The following NCKAP5 variants were observed in gnomAD, a reference collection of about 807,000 sequenced individuals.
The protein encoded by NCKAP5 is nck-associated protein 5.
A neutral mutation model predicts 167.0 loss-of-function variants in NCKAP5; 92 were observed. That is an observed-to-expected ratio of 0.55 (90% confidence interval 0.47 to 0.66). The LOEUF (loss-of-function observed/expected upper bound fraction) is 0.66. Among genes scored for constraint, NCKAP5 ranks in the 30% least tolerant of loss-of-function variants. The pLI, the probability that NCKAP5 is intolerant of heterozygous loss-of-function variation, is 0.00. For missense variants in NCKAP5, 2,378 were observed against 2,315.0 expected (o/e 1.03, Z -0.56); for synonymous variants, 891 against 877.4 (o/e 1.02, Z -0.27).
At position 132,921,751 on chromosome 2, in the gene NCKAP5, C is replaced by G. The variant is rs915841329; in HGVS notation, c.579+41969G>C. Among the ~76,000 whole-genome samples, 3 of 152,102 alleles carry G rather than the reference C, an allele frequency of 2.0e-5. No homozygotes were observed. The South Asian group carries it at 6.2e-4, about 32-fold the overall frequency. On this transcript the variant is annotated intron_variant, in intron 8 of 19. Transcript: ENST00000409261. ...ATCTTGACTTACGAGGAACCTCTTC[C>G]CCTACCCTACAAGTCACTGTTCCTG...
intron 8 of NCKAP5, chr2:132,915,713 G>A (rs1387665167): frequency 2.0e-5 from 3 of 151,990 alleles, no homozygotes; most frequent in Admixed American, 1.3e-4. Context: ...CTGTACATAC[G>A]AATGTCCTGG....
chr2:133,340,562 G>C (rs1286060557), intron 3 of NCKAP5, among the ~76,000 whole-genome samples: 2 of 152,062 alleles, frequency 1.3e-5, no homozygotes, highest in Non-Finnish European at 2.9e-5. Context: ...GATACCCCCT[G>C]ACAATGCATA....
intron 6 of NCKAP5, among the ~76,000 whole-genome samples, chr2:133,055,582 T>G (rs919656967): frequency 6.6e-6 from 1 of 151,732 alleles, no homozygotes; most frequent in African/African-American, 2.4e-5. Context: ...TCAACAAAAA[T>G]TATTAATGTC....
intron 19 of NCKAP5, among the ~76,000 whole-genome samples, chr2:132,701,774 C>T (rs1687905697): frequency 6.6e-6 from 1 of 152,072 alleles, no homozygotes. Flanking sequence ...AAAAAAATAC[C>T]ACTTATGTCT....
At chr2:133,472,019 T>C (rs754217084) in intron 3 of NCKAP5, among the ~76,000 whole-genome samples, 10 of 152,220 alleles carry the variant, frequency 6.6e-5, no homozygotes, top group Admixed American at 3.3e-4. Flanking sequence ...GCAATTGTTA[T>C]AGACTAACAT....
chr2:133,085,096 T>C (rs748335746), intron 6 of NCKAP5, among the ~76,000 whole-genome samples: 2 of 152,126 alleles, frequency 1.3e-5, no homozygotes, highest in Non-Finnish European at 2.9e-5. Flanking sequence ...GGTGGGGAGA[T>C]GGGAAGGGTA....
chr2:133,585,756 CTG>C, the NCKAP5 span, among the ~76,000 whole-genome samples: 2 of 152,298 alleles, frequency 1.3e-5, no homozygotes, highest in Admixed American at 6.5e-5. Context: ...AATGAGGAAA[CTG>C]AGACTCAGAG....
At chr2:132,761,343 G>A (rs773076133) in intron 16 of NCKAP5, among the ~76,000 whole-genome samples, 6 of 152,196 alleles carry the variant, frequency 3.9e-5, no homozygotes, top group Admixed American at 6.5e-5. Flanking sequence ...CCCAGGATAT[G>A]AGACTTCCGG....
At chr2:132,977,643 G>C (rs947588592) in intron 7 of NCKAP5, among the ~76,000 whole-genome samples, 8 of 152,142 alleles carry the variant, frequency 5.3e-5, no homozygotes, top group African/African-American at 1.9e-4. Context: ...ACTTTTGAAA[G>C]TCAGACATAA....
chr2:133,059,934 G>GA (rs34377278), intron 6 of NCKAP5, among the ~76,000 whole-genome samples: 8,860 of 142,414 alleles, frequency 0.062, 531 homozygotes, highest in East Asian at 0.32. Context: ...AATTTCTCCA[G>GA]AAAAAAAAAA....
chr2:132,728,750 A>C (rs1011729879), intron 18 of NCKAP5, 66 bp downstream of exon 18: 1 of 1,564,244 alleles, frequency 6.4e-7, no homozygotes, highest in Non-Finnish European at 8.7e-7. Flanking sequence ...AAGTGTTTTT[A>C]GGGTACACTT....
chr2:133,382,750 T>C (rs76358487), intron 3 of NCKAP5, among the ~76,000 whole-genome samples: 3,115 of 152,308 alleles, frequency 0.02, 101 homozygotes, highest in African/African-American at 0.071. Context: ...CATCTGTTAA[T>C]AATTAGACAT....
chr2:132,698,476 G>T (rs1687551942), intron 19 of NCKAP5, among the ~76,000 whole-genome samples: 1 of 152,114 alleles, frequency 6.6e-6, no homozygotes, highest in South Asian at 2.1e-4. Flanking sequence ...ATGATAAGGG[G>T]TAACTGTAAA....
intron 11 of NCKAP5, among the ~76,000 whole-genome samples, chr2:132,837,048 C>T (rs960377850): frequency 1.8e-4 from 28 of 152,234 alleles, no homozygotes; most frequent in African/African-American, 5.8e-4. Context: ...TTTGGTTGGT[C>T]GTAGTAGGTT....
chr2:133,533,337 AAAATC>A (rs1685510678), intron 2 of NCKAP5, among the ~76,000 whole-genome samples: 1 of 152,248 alleles, frequency 6.6e-6, no homozygotes, highest in Admixed American at 6.5e-5. Flanking sequence ...TCATCTATGT[AAAATC>A]TCTCAATGTT....
rs1259937106 is a variant in NCKAP5 at position 133,166,354 on chromosome 2, A to G, written c.208-36243T>C. ...ACAATTTTATATCTTGCTCATTATT[A>G]TATCATGAATAACTTTTTCACGTTG... On this transcript the variant is annotated intron_variant, in intron 5 of 19. Transcript: ENST00000409261. Among the ~76,000 whole-genome samples the G allele has an allele frequency of 2.6e-5, 4 of 152,232 alleles. No homozygotes were observed. The East Asian group carries it at 5.8e-4, about 22-fold the overall frequency.
At chr2:133,607,128 A>G in the NCKAP5 span, among the ~76,000 whole-genome samples, 1 of 152,266 alleles carries the variant, frequency 6.6e-6, no homozygotes, top group African/African-American at 2.4e-5. Flanking sequence ...TTACATCAGT[A>G]TGTGTACCAC....
intron 13 of NCKAP5, among the ~76,000 whole-genome samples, chr2:132,786,752 CAT>C (rs1340067787): frequency 6.6e-6 from 1 of 152,142 alleles, no homozygotes; most frequent in Admixed American, 6.5e-5. Flanking sequence ...AACTGAGACT[CAT>C]TGTTGGGTCT....
At chr2:133,186,158 T>A (rs780022945) in intron 5 of NCKAP5, among the ~76,000 whole-genome samples, 2 of 152,084 alleles carry the variant, frequency 1.3e-5, no homozygotes, top group Non-Finnish European at 2.9e-5. Context: ...CTGTTGAGGG[T>A]TTTTATCATG....
Sources: gnomAD v4.1 joint callset for allele counts (sites outside exome capture counted in the v4.1 genomes callset) on GRCh38, gnomAD v4.1.1 for gene constraint, MANE v1.5 for transcripts, NCBI Gene and HGNC (gene_info 2026-07-23, HGNC 2026-07-21) for gene names.